The following CFAP54 variants were observed in gnomAD, a reference collection of about 807,000 sequenced individuals.
The protein encoded by CFAP54 is cilia- and flagella-associated protein 54.
Under a neutral mutation model 370.4 loss-of-function variants are expected in CFAP54, and 290 were observed. That is an observed-to-expected ratio of 0.78 (90% CI 0.71 to 0.86). CFAP54 has a LOEUF of 0.86. Among genes scored for constraint, CFAP54 ranks in the 40% least tolerant of loss-of-function variants. The pLI, the probability that CFAP54 is intolerant of heterozygous loss-of-function variation, is 0.00. For synonymous variants in CFAP54, 1,206 were observed against 1,236.5 expected (o/e 0.98, Z 0.52); for missense variants, 3,399 against 3,528.7 (o/e 0.96, Z 0.93).
At chr12:96,793,944 G>C (rs1833243) in intron 63 of CFAP54, among the ~76,000 whole-genome samples, 48,985 of 151,928 alleles carry the variant, frequency 0.32, 8,189 homozygotes, top group South Asian at 0.54. Flanking sequence ...GTTCCTTGTA[G>C]ATTCAGCATT....
At position 96,544,966 on chromosome 12, in the gene CFAP54, C is replaced by T. The variant is rs552070882; in HGVS notation, c.2078-2936C>T. On this transcript the variant is annotated intron_variant, in intron 14 of 67. Coordinates refer to ENST00000524981, the MANE Select transcript of CFAP54 (RefSeq NM_001306084.2). ...TCGCTCTTTTACCCAGGCTAGAGTG[C>T]GGTGGCACGATCTTGGCTCACTGCA... Among the ~76,000 whole-genome samples, 9 of 151,142 alleles carry T rather than the reference C, an allele frequency of 6.0e-5. No individual in the cohort carries two copies. The South Asian group carries it at 1.7e-3, about 28-fold the overall frequency.
intron 36 of CFAP54, among the ~76,000 whole-genome samples, chr12:96,653,726 AAAGAG>A (rs1416691338): frequency 1.3e-5 from 2 of 151,964 alleles, no homozygotes; most frequent in Non-Finnish European, 1.5e-5. Flanking sequence ...AATCTAAACT[AAAGAG>A]AAGAAAGGAA....
chr12:96,569,135 T>C (rs1378758253), intron 19 of CFAP54, among the ~76,000 whole-genome samples: 1 of 152,228 alleles, frequency 6.6e-6, no homozygotes, highest in Admixed American at 6.5e-5. Flanking sequence ...TCAGTGTCTT[T>C]GTAGATGTAA....
chr12:96,600,873 G>T (rs1956232910), intron 26 of CFAP54, among the ~76,000 whole-genome samples: 3 of 152,100 alleles, frequency 2.0e-5, no homozygotes, highest in South Asian at 4.1e-4. Context: ...AGATGATGGG[G>T]TTTTCTAAAT....
chr12:96,732,958 C>A (rs1411875113), intron 50 of CFAP54, among the ~76,000 whole-genome samples: 2 of 151,954 alleles, frequency 1.3e-5, no homozygotes, highest in African/African-American at 2.4e-5. Context: ...GTATCCTATA[C>A]CCTTTTGGTA....
chr12:96,664,406 A>G (rs2136522654), intron 39 of CFAP54, among the ~76,000 whole-genome samples: 1 of 151,964 alleles, frequency 6.6e-6, no homozygotes, highest in South Asian at 2.1e-4. Context: ...TCCTGCATTC[A>G]TTTCCTAAGG....
intron 5 of CFAP54, among the ~76,000 whole-genome samples, chr12:96,517,817 G>C (rs1439636347): frequency 6.6e-6 from 1 of 152,224 alleles, no homozygotes; most frequent in Non-Finnish European, 1.5e-5. Context: ...TGGTGGAGAA[G>C]GGCAGTGCAG....
intron 17 of CFAP54, among the ~76,000 whole-genome samples, chr12:96,557,828 C>T (rs1955770371): frequency 6.6e-6 from 1 of 151,746 alleles, no homozygotes; most frequent in African/African-American, 2.4e-5. Flanking sequence ...ATTGATAAAA[C>T]TGTATATTAA....
chr12:96,547,775 C>G (rs903812785), intron 14 of CFAP54, 127 bp from the exon 15 acceptor site: 2 of 403,106 alleles, frequency 5.0e-6, no homozygotes, highest in Non-Finnish European at 8.8e-6. Context: ...CTGGTCCTTC[C>G]TTCTTCTTTC....
chr12:96,836,959 C>G (rs1200054683), intron 66 of CFAP54, among the ~76,000 whole-genome samples: 1 of 152,124 alleles, frequency 6.6e-6, no homozygotes, highest in Non-Finnish European at 1.5e-5. Flanking sequence ...TTCTGATTAG[C>G]TAGGACTATA....
At chr12:96,809,654 G>T (rs1237487112) in intron 63 of CFAP54, among the ~76,000 whole-genome samples, 2 of 152,040 alleles carry the variant, frequency 1.3e-5, no homozygotes, top group African/African-American at 4.8e-5. Flanking sequence ...TTCATTTCCT[G>T]TCTAGTGACT....
Position 96,742,512 on chromosome 12 carries a change from A to T in CFAP54, c.7145A>T (p.His2382Leu), listed in dbSNP as rs749560064. ...AATGCCCGAGAATATTTCAACATTC[A>T]TCTGTGGTTGAGGTGCCGCTTAGCA... ...SLNAREYFNIHLWLRCRLALV... is the reference protein window; with the variant it reads ...SLNAREYFNILLWLRCRLALV... The change falls in exon 52 of 68, where the codon CAT becomes CTT. Residue 2382 changes from histidine to leucine, a missense_variant. By Grantham distance (99) the His-to-Leu change is moderately conservative. This residue lies in a region of CFAP54 where 2,796 missense variants were observed against 2,869.7 expected (regional missense o/e 0.97). Transcript: ENST00000524981. 6.2e-7 allele frequency: 1 copy of T among 1,613,254 alleles called. No homozygotes were observed. The highest frequency in any genetic ancestry group is 2.2e-5 in the East Asian group (1 of 44,834).
intron 65 of CFAP54, among the ~76,000 whole-genome samples, chr12:96,825,626 AAT>A (rs1046730491): frequency 2.5e-5 from 3 of 121,464 alleles, no homozygotes; most frequent in African/African-American, 6.7e-5. Context: ...TATAATATAT[AAT>A]ATATATCACC....
intron 67 of CFAP54, among the ~76,000 whole-genome samples, chr12:96,872,344 A>G (rs144460160): frequency 4.6e-5 from 7 of 152,328 alleles, no homozygotes; most frequent in African/African-American, 1.7e-4. Context: ...CTAGACTTAC[A>G]TTTAACCATA....
At position 96,629,463 on chromosome 12, in the gene CFAP54, G is replaced by T. The variant is rs1397045842; in HGVS notation, c.4104-630G>T. 4.2e-5 allele frequency among the ~76,000 whole-genome samples: 6 copies of T among 142,632 alleles called. No individual in the cohort carries two copies. The East Asian group carries it at 1.5e-3, about 35-fold the overall frequency. The allele number at this position is 142,632 out of a possible 152,430, so 93.6% of individuals were successfully genotyped here. ...GACTACAGTAGGCGCCTGCCACCAC[G>T]CCCAACTAATTTTTTTTTTTTTTGT... On this transcript the variant is annotated intron_variant, in intron 30 of 67. Transcript: ENST00000524981.
intron 66 of CFAP54, among the ~76,000 whole-genome samples, chr12:96,853,354 C>CAT (rs1243624969): frequency 3.9e-5 from 6 of 152,024 alleles, no homozygotes; most frequent in Admixed American, 3.3e-4. Flanking sequence ...AAAACAAATA[C>CAT]ATATATATAC....
Position 96,589,496 on chromosome 12 carries a change from G to T in CFAP54, c.3145G>T (p.Ala1049Ser). 6.6e-7 allele frequency: 1 copy of T among 1,514,820 alleles called. No homozygotes were observed. The highest frequency in any genetic ancestry group is 8.9e-7 in the Non-Finnish European group (1 of 1,127,796). The allele number at this position is 1,514,820 out of a possible 1,614,324, so 93.8% of individuals were successfully genotyped here. A position where few individuals can be genotyped will look rare whatever the true frequency, so the allele number is the denominator to read the frequency against. Reference sequence around the variant, plus strand: ...CTCACCAGTTTGGGATTATTTTGTTGCTTCGCCACTTCAGGATGAACAATC... The same window carrying T: ...CTCACCAGTTTGGGATTATTTTGTTTCTTCGCCACTTCAGGATGAACAATC... ...VFSPVWDYFV[A>S]SPLQDEQSVI... The change falls in exon 23 of 68, where the codon GCT becomes TCT. Residue 1049 changes from alanine to serine, a missense_variant. Physicochemically the swap from Ala to Ser is moderately conservative, Grantham distance 99. This residue lies in a region of CFAP54 where 2,796 missense variants were observed against 2,869.7 expected (regional missense o/e 0.97). Coordinates refer to ENST00000524981, the MANE Select transcript of CFAP54 (RefSeq NM_001306084.2).
chr12:96,686,588 A>T (rs1318468992), intron 42 of CFAP54, among the ~76,000 whole-genome samples: 1 of 152,076 alleles, frequency 6.6e-6, no homozygotes, highest in Non-Finnish European at 1.5e-5. Context: ...CAAGAATGGG[A>T]GCGAGAAAGA....
chr12:96,645,415 G>A (rs1201100187), intron 33 of CFAP54: 1 of 267,736 alleles, frequency 3.7e-6, no homozygotes, highest in African/African-American at 2.2e-5. Context: ...CCTCTTCAAG[G>A]AGAACTACAA....
Sources: allele counts gnomAD v4.1 joint callset (sites outside exome capture counted in the v4.1 genomes callset), GRCh38; gene constraint gnomAD v4.1.1; regional missense constraint gnomAD v4.1.1; transcripts MANE v1.5; gene names NCBI Gene and HGNC (gene_info 2026-07-23, HGNC 2026-07-21).